GLIS3: variants seen among roughly 807,000 people sequenced by gnomAD.
GLIS3 encodes GLIS family zinc finger 3, also known as zinc finger protein GLIS3.
A neutral mutation model predicts 78.6 loss-of-function variants in GLIS3; 53 were observed. That is an observed-to-expected ratio of 0.67 (90% CI 0.54 to 0.85). The LOEUF (loss-of-function observed/expected upper bound fraction) is 0.85, where lower values mean the gene tolerates loss of function less well. Ranked by LOEUF, GLIS3 falls within the 40% of genes least tolerant of loss-of-function variation. The probability of loss-of-function intolerance (pLI) is 0.00; values close to 1 mark genes in which losing one functional copy is unlikely to be tolerated. For synonymous variants in GLIS3, 684 were observed against 509.9 expected, an observed-to-expected ratio of 1.34 and a Z score of -4.60; for missense variants, 1,703 against 1,231.1, an observed-to-expected ratio of 1.38 and a Z score of -5.74.
intron 4 of GLIS3, among the ~76,000 whole-genome samples, chr9:4,041,300 T>G (rs1344975790): frequency 6.6e-6 from 1 of 152,194 alleles, no homozygotes; most frequent in Admixed American, 6.5e-5. Context: ...CAACTAGGGA[T>G]AAGGGAAACT....
intron 4 of GLIS3, among the ~76,000 whole-genome samples, chr9:4,025,294 TG>T (rs1823238047): frequency 6.6e-6 from 1 of 152,058 alleles, no homozygotes; most frequent in Admixed American, 6.5e-5. Flanking sequence ...AAACATGTGC[TG>T]AAATAAAGGA....
chr9:4,482,850 C>T, the GLIS3 span, among the ~76,000 whole-genome samples: 1 of 151,872 alleles, frequency 6.6e-6, no homozygotes, highest in Non-Finnish European at 1.5e-5. Flanking sequence ...AAAGCAGCAA[C>T]AGCATACTAG....
At chr9:4,078,904 C>T (rs571406028) in intron 4 of GLIS3, among the ~76,000 whole-genome samples, 43 of 152,264 alleles carry the variant, frequency 2.8e-4, no homozygotes, top group African/African-American at 9.6e-4. Context: ...CCCTCTGTCC[C>T]CCGCCCCACC....
At chr9:4,220,479 G>C (rs1302297495) in intron 2 of GLIS3, among the ~76,000 whole-genome samples, 1 of 152,196 alleles carries the variant, frequency 6.6e-6, no homozygotes, top group Non-Finnish European at 1.5e-5. Flanking sequence ...TAGACAGATT[G>C]ATGCCCACTG....
intron 1 of GLIS3, among the ~76,000 whole-genome samples, chr9:4,293,440 A>T (rs889898517): frequency 6.6e-6 from 1 of 152,236 alleles, no homozygotes; most frequent in African/African-American, 2.4e-5. Context: ...ATCACTGCGG[A>T]AGTATGAACA....
At chr9:4,156,360 G>C (rs956435017) in intron 2 of GLIS3, among the ~76,000 whole-genome samples, 2 of 152,154 alleles carry the variant, frequency 1.3e-5, no homozygotes, top group Non-Finnish European at 2.9e-5. Context: ...AACCTCAGGA[G>C]AGAAGCACTA....
chr9:4,018,798 A>G (rs1026730585), intron 4 of GLIS3, among the ~76,000 whole-genome samples: 2 of 152,192 alleles, frequency 1.3e-5, no homozygotes, highest in African/African-American at 4.8e-5. Flanking sequence ...AATCACTGCA[A>G]TGGAGGGAAA....
chr9:4,082,705 T>G (rs566143939), intron 4 of GLIS3, among the ~76,000 whole-genome samples: 1 of 152,336 alleles, frequency 6.6e-6, no homozygotes, highest in African/African-American at 2.4e-5. Flanking sequence ...GAAATCTGAT[T>G]AACTTCACCA....
At chr9:4,248,602 C>G (rs1309845381) in intron 2 of GLIS3, among the ~76,000 whole-genome samples, 1 of 152,188 alleles carries the variant, frequency 6.6e-6, no homozygotes, top group Admixed American at 6.5e-5. Context: ...TGGGTATATA[C>G]TCAGTAGTGG....
chr9:3,872,375 T>A (rs774537201), intron 8 of GLIS3, among the ~76,000 whole-genome samples: 1 of 152,158 alleles, frequency 6.6e-6, no homozygotes, highest in Non-Finnish European at 1.5e-5. Flanking sequence ...TGGTAGCAAT[T>A]TACTTTATTA....
intron 4 of GLIS3, among the ~76,000 whole-genome samples, chr9:4,040,797 C>T (rs1369690105): frequency 1.3e-5 from 2 of 152,160 alleles, no homozygotes; most frequent in Admixed American, 1.3e-4. Context: ...TCAAGTGGTG[C>T]TGTCAACTGG....
At chr9:4,280,046 G>T (rs933805248) in intron 2 of GLIS3, among the ~76,000 whole-genome samples, 6 of 152,060 alleles carry the variant, frequency 3.9e-5, no homozygotes, top group Non-Finnish European at 8.8e-5. Context: ...TTGAGGCAGG[G>T]TCTCACTCTG....
the GLIS3 span, among the ~76,000 whole-genome samples, chr9:4,436,258 G>C: frequency 1.3e-5 from 2 of 152,104 alleles, no homozygotes; most frequent in African/African-American, 4.8e-5. Context: ...ATTATGCAAA[G>C]AAAAATGGTG....
At chr9:4,195,015 G>C (rs1818681030) in intron 2 of GLIS3, among the ~76,000 whole-genome samples, 1 of 152,222 alleles carries the variant, frequency 6.6e-6, no homozygotes, top group Admixed American at 6.5e-5. Context: ...GCCTTCTCTA[G>C]AGCAGGGTAG....
chr9:4,357,175 A>C, the GLIS3 span, among the ~76,000 whole-genome samples: 1 of 152,214 alleles, frequency 6.6e-6, no homozygotes, highest in African/African-American at 2.4e-5. Flanking sequence ...TTTTGTATCA[A>C]CTTGACTGGG....
At position 4,271,050 on chromosome 9, in the gene GLIS3, T is replaced by C. The variant is rs150250951; in HGVS notation, c.388+14988A>G. ...AAAACCAACCCTTCCTCTTCCTCCT[T>C]CTCCTCAGCCTACTCAATGTGAAGA... On this transcript the variant is annotated intron_variant, in intron 2 of 10. Coordinates refer to ENST00000381971, the MANE Select transcript of GLIS3 (RefSeq NM_001042413.2). 7.2e-3 allele frequency among the ~76,000 whole-genome samples: 1,102 copies of C among 152,008 alleles called. 13 individuals carry two copies. The highest frequency in any genetic ancestry group is 0.025 in the African/African-American group (1,022 of 41,438).
At chr9:4,240,201 G>T (rs1408045630) in intron 2 of GLIS3, among the ~76,000 whole-genome samples, 3 of 151,704 alleles carry the variant, frequency 2.0e-5, no homozygotes, top group Non-Finnish European at 2.9e-5. Flanking sequence ...GAGGTGGGGG[G>T]GGGGGATGGT....
At chr9:4,049,299 C>T (rs981969605) in intron 4 of GLIS3, among the ~76,000 whole-genome samples, 5 of 152,154 alleles carry the variant, frequency 3.3e-5, no homozygotes, top group Admixed American at 6.5e-5. Context: ...GATCCCCCTG[C>T]TACTGGCCTG....
At chr9:3,835,084 G>A (rs753353995) in intron 9 of GLIS3, among the ~76,000 whole-genome samples, 3 of 152,136 alleles carry the variant, frequency 2.0e-5, no homozygotes, top group Non-Finnish European at 2.9e-5. Flanking sequence ...CCTACACTTC[G>A]TCAAAGGGAT....
Sources: gnomAD v4.1 joint callset for allele counts (sites outside exome capture counted in the v4.1 genomes callset) on GRCh38, gnomAD v4.1.1 for gene constraint, MANE v1.5 for transcripts, NCBI Gene and HGNC (gene_info 2026-07-23, HGNC 2026-07-21) for gene names.